The following IFT74 variants were observed in gnomAD, a reference collection of about 807,000 sequenced individuals.
IFT74 encodes intraflagellar transport 74, also known as intraflagellar transport protein 74 homolog.
Under a neutral mutation model 96.7 loss-of-function variants are expected in IFT74, and 92 were observed. The observed-to-expected ratio is 0.95, with a 90% CI of 0.80 to 1.13. IFT74 has a LOEUF of 1.13. IFT74 is among the 50% of genes most tolerant of loss of function. IFT74 has a pLI of 0.00. For synonymous variants in IFT74, 223 were observed against 213.2 expected (o/e 1.05, Z -0.40); for missense variants, 811 against 698.2 (o/e 1.16, Z -1.82).
intron 12 of IFT74, among the ~76,000 whole-genome samples, chr9:27,025,227 G>A (rs1197809638): frequency 6.6e-6 from 1 of 151,992 alleles, no homozygotes; most frequent in Non-Finnish European, 1.5e-5. Context: ...GGCGGAACAT[G>A]AGGTCAGGAG....
chr9:26,995,604 G>T (rs886188535), intron 8 of IFT74: 10 of 1,608,054 alleles, frequency 6.2e-6, no homozygotes, highest in African/African-American at 1.3e-5. Flanking sequence ...GAATGTAATT[G>T]TTCAAATATT....
chr9:27,021,467 C>A (rs1304785166), intron 12 of IFT74, among the ~76,000 whole-genome samples: 2 of 152,090 alleles, frequency 1.3e-5, no homozygotes, highest in Non-Finnish European at 2.9e-5. Flanking sequence ...AAAAGTGTTC[C>A]CTTTTCACCA....
chr9:26,948,736 T>C (rs1411783123), intron 1 of IFT74, among the ~76,000 whole-genome samples: 1 of 152,136 alleles, frequency 6.6e-6, no homozygotes, highest in Non-Finnish European at 1.5e-5. Flanking sequence ...AGTGCTGGAT[T>C]ATAAGCGTGA....
intron 4 of IFT74, among the ~76,000 whole-genome samples, chr9:26,981,394 A>G (rs1827368353): frequency 6.7e-6 from 1 of 150,080 alleles, no homozygotes; most frequent in Non-Finnish European, 1.5e-5. Context: ...TTATAGGCAT[A>G]AGCTACCACC....
At position 27,055,549 on chromosome 9, in the gene IFT74, T is replaced by A. The variant is rs116761804; in HGVS notation, c.1334-60T>A. ...ATGATTTTTAATAGTTGCATTACATTTCCTTATGTGAAAGGAATAAAATTT... is the reference window on the plus strand; with the variant it reads ...ATGATTTTTAATAGTTGCATTACATATCCTTATGTGAAAGGAATAAAATTT... On this transcript the variant is annotated intron_variant, in intron 16 of 19. Transcript: ENST00000380062. The A allele has an allele frequency of 9.0e-4, 1,037 of 1,156,792 alleles. 4 individuals are homozygous for A. In the African/African-American group the frequency reaches 0.014, roughly 16 times the overall value. 71.7% of individuals were successfully genotyped at this position (1,156,792 alleles called of 1,614,324 possible).
chr9:27,038,307 G>A (rs1457161530), intron 13 of IFT74, among the ~76,000 whole-genome samples: 2 of 152,142 alleles, frequency 1.3e-5, no homozygotes, highest in African/African-American at 2.4e-5. Context: ...CTGTCACCCA[G>A]GCTGGAGTGC....
At position 27,028,949 on chromosome 9, in the gene IFT74, A is replaced by C. The variant is rs7390085; in HGVS notation, c.975-76A>C. ...ATTGTTTATGCAACTTGGAAAAGAT[A>C]TCTAACCTCCCCATCAATTGTTTTT... is the stretch of plus-strand genomic sequence containing the variant. On this transcript the variant is annotated intron_variant, in intron 12 of 19. Coordinates refer to ENST00000380062, the MANE Select transcript of IFT74 (RefSeq NM_025103.4). 11 of 1,329,392 alleles carry C rather than the reference A, an allele frequency of 8.3e-6. No individual in the cohort carries two copies. In the African/African-American group the frequency reaches 1.1e-4, roughly 13 times the overall value. 82.3% of individuals were successfully genotyped at this position (1,329,392 alleles called of 1,614,324 possible). A position where few individuals can be genotyped will look rare whatever the true frequency, so the allele number is the denominator to read the frequency against.
chr9:27,050,379 G>C (rs996061788), intron 16 of IFT74, among the ~76,000 whole-genome samples: 1 of 152,180 alleles, frequency 6.6e-6, no homozygotes, highest in Non-Finnish European at 1.5e-5. Flanking sequence ...ATACTTAAAA[G>C]GGCTCAAAAA....
chr9:27,059,092 G>T (rs1433462786), intron 18 of IFT74, among the ~76,000 whole-genome samples: 1 of 151,924 alleles, frequency 6.6e-6, no homozygotes, highest in African/African-American at 2.4e-5. Flanking sequence ...CTTAGAGCCA[G>T]TGAGTGGTTA....
intron 12 of IFT74, among the ~76,000 whole-genome samples, chr9:27,025,100 A>G (rs1829797959): frequency 6.6e-6 from 1 of 152,126 alleles, no homozygotes; most frequent in Non-Finnish European, 1.5e-5. Flanking sequence ...ATTTGAGGGA[A>G]TAATCAAGGA....
intron 16 of IFT74, among the ~76,000 whole-genome samples, chr9:27,053,620 C>G (rs1419053373): frequency 6.6e-6 from 1 of 152,202 alleles, no homozygotes; most frequent in Non-Finnish European, 1.5e-5. Context: ...CTTCCTGTCT[C>G]TTCCCTTGGA....
intron 3 of IFT74, among the ~76,000 whole-genome samples, chr9:26,979,773 T>C (rs924575670): frequency 1.4e-5 from 2 of 144,936 alleles, no homozygotes; most frequent in African/African-American, 5.1e-5. Context: ...AGTGCAGTGA[T>C]GTGATCTTGG....
At chr9:27,036,860 G>A (rs1437995728) in intron 13 of IFT74, 1 of 1,013,704 alleles carries the variant, frequency 9.9e-7, no homozygotes, top group South Asian at 4.6e-5. Flanking sequence ...GCTGACATTT[G>A]TGGAAGTTTT....
chr9:26,972,253 C>T (rs1826912390), intron 2 of IFT74, among the ~76,000 whole-genome samples: 1 of 152,062 alleles, frequency 6.6e-6, no homozygotes, highest in South Asian at 2.1e-4. Context: ...CAGTGATTCA[C>T]CTCTCTATTT....
chr9:27,055,930 T>G (rs1487247176), intron 17 of IFT74, among the ~76,000 whole-genome samples, 158 bp downstream of exon 17: 1 of 152,102 alleles, frequency 6.6e-6, no homozygotes, highest in African/African-American at 2.4e-5. Context: ...TAGTTGGAAT[T>G]TAGAGTGACT....
At chr9:26,999,064 A>G (rs952898397) in intron 8 of IFT74, among the ~76,000 whole-genome samples, 2 of 152,204 alleles carry the variant, frequency 1.3e-5, no homozygotes, top group African/African-American at 4.8e-5. Context: ...TCTGGGTTTA[A>G]CAGCTCAAAG....
At chr9:26,981,909 A>G (rs1827392570) in intron 4 of IFT74, among the ~76,000 whole-genome samples, 1 of 151,342 alleles carries the variant, frequency 6.6e-6, no homozygotes, top group Non-Finnish European at 1.5e-5. Flanking sequence ...CTGGGACTGC[A>G]GGTATGCGCC....
At chr9:26,969,665 TTTTATC>T (rs1563940191) in intron 2 of IFT74, among the ~76,000 whole-genome samples, 1 of 152,102 alleles carries the variant, frequency 6.6e-6, no homozygotes, top group South Asian at 2.1e-4. Flanking sequence ...TTCTCTGTCT[TTTTATC>T]TTTATGTTTT....
At chr9:27,010,406 C>G (rs1828996894) in intron 9 of IFT74, among the ~76,000 whole-genome samples, 1 of 152,024 alleles carries the variant, frequency 6.6e-6, no homozygotes, top group African/African-American at 2.4e-5. Flanking sequence ...CCTTCTCTCC[C>G]CCACACCACC....
Sources: allele counts gnomAD v4.1 joint callset (sites outside exome capture counted in the v4.1 genomes callset), GRCh38; gene constraint gnomAD v4.1.1; transcripts MANE v1.5; gene names NCBI Gene and HGNC (gene_info 2026-07-23, HGNC 2026-07-21).